ASAP3: variants seen among roughly 807,000 people sequenced by gnomAD.
ASAP3 encodes the protein ArfGAP with SH3 domain, ankyrin repeat and PH domain 3.
A neutral mutation model predicts 118.2 loss-of-function variants in ASAP3; 85 were observed. The observed-to-expected ratio is 0.72, with a 90% CI of 0.60 to 0.86. The LOEUF (loss-of-function observed/expected upper bound fraction) is 0.86. Among genes scored for constraint, ASAP3 ranks in the 40% least tolerant of loss-of-function variants. The pLI, the probability that ASAP3 is intolerant of heterozygous loss-of-function variation, is 0.00. For synonymous variants in ASAP3, 432 were observed against 477.4 expected, an observed-to-expected ratio of 0.90 and a Z score of 1.24; for missense variants, 1,026 against 1,175.0, an observed-to-expected ratio of 0.87 and a Z score of 1.85.
intron 1 of ASAP3, among the ~76,000 whole-genome samples, chr1:23,470,151 G>A (rs1286601363): frequency 2.7e-4 from 41 of 152,082 alleles, no homozygotes; most frequent in Admixed American, 2.7e-3. Flanking sequence ...CTCCTTCTAT[G>A]CCTCAGTTTC....
chr1:23,433,297 G>A, intron 21 of ASAP3, 25 bp from the exon 22 acceptor site: 1 of 1,604,002 alleles, frequency 6.2e-7, no homozygotes, highest in Non-Finnish European at 8.5e-7. Context: ...GATTGAGGAT[G>A]AGGACAGCCT....
At chr1:23,477,769 A>G (rs923121649) in intron 1 of ASAP3, among the ~76,000 whole-genome samples, 1 of 152,214 alleles carries the variant, frequency 6.6e-6, no homozygotes, top group Non-Finnish European at 1.5e-5. Flanking sequence ...GCTAGCATGC[A>G]GTGGCACCAT....
intron 1 of ASAP3, among the ~76,000 whole-genome samples, chr1:23,478,243 T>C (rs1322255512): frequency 1.3e-5 from 2 of 152,180 alleles, no homozygotes; most frequent in Admixed American, 6.5e-5. Context: ...GGTGGGTGGA[T>C]CACCTGAGGT....
Position 23,444,297 on chromosome 1 carries a change from G to A in ASAP3, c.474-1685C>T, listed in dbSNP as rs532358651. 1.1e-4 allele frequency among the ~76,000 whole-genome samples: 16 copies of A among 152,280 alleles called. No homozygotes were observed. The East Asian group carries it at 2.3e-3, about 22-fold the overall frequency. On this transcript the variant is annotated intron_variant, in intron 5 of 24. Coordinates refer to ENST00000336689, the MANE Select transcript of ASAP3 (RefSeq NM_017707.4). ...GGATGGGTGGATCTGTGTGTAAATG[G>A]TTTCCTGGAAATCCCACGCCCAGCA...
Position 23,438,181 on chromosome 1 carries a change from C to G in ASAP3, c.1102+566G>C, listed in dbSNP as rs986969206. 2.6e-5 allele frequency among the ~76,000 whole-genome samples: 4 copies of G among 152,300 alleles called. No homozygotes were observed. The highest frequency in any genetic ancestry group is 4.4e-5 in the Non-Finnish European group (3 of 68,026). On this transcript the variant is annotated intron_variant, in intron 12 of 24. Coordinates refer to ENST00000336689, the MANE Select transcript of ASAP3 (RefSeq NM_017707.4). This position sits in a 1 kb window ranked among gnomAD's most constrained non-coding sequence, Gnocchi z 4.9. ...ACTCAAATACTGTCTCCTCCAGGAG[C>G]CTTTCCTGATTCCCCACAGCAGTGC...
At chr1:23,460,761 C>G (rs192094835) in intron 1 of ASAP3, among the ~76,000 whole-genome samples, 2 of 152,110 alleles carry the variant, frequency 1.3e-5, no homozygotes, top group African/African-American at 4.8e-5. Context: ...TACCTGCACA[C>G]GGATGTTTAC....
chr1:23,447,285 A>G (rs1641077343), intron 5 of ASAP3, among the ~76,000 whole-genome samples: 1 of 152,082 alleles, frequency 6.6e-6, no homozygotes, highest in South Asian at 2.1e-4. Context: ...TGTTCAAGTA[A>G]CCCTTAGTTT....
chr1:23,460,599 G>A (rs1319296382), intron 1 of ASAP3, among the ~76,000 whole-genome samples: 4 of 151,914 alleles, frequency 2.6e-5, no homozygotes, highest in Non-Finnish European at 5.9e-5. Context: ...CAAAGATGTG[G>A]AGCAACAGAA....
chr1:23,453,719 C>T (rs1308744426), intron 3 of ASAP3, among the ~76,000 whole-genome samples: 1 of 152,180 alleles, frequency 6.6e-6, no homozygotes, highest in African/African-American at 2.4e-5. Flanking sequence ...CCTGGCTACT[C>T]CTCCCGCCTG....
chr1:23,472,284 T>C (rs187523994), intron 1 of ASAP3, among the ~76,000 whole-genome samples: 14 of 152,298 alleles, frequency 9.2e-5, no homozygotes, highest in Admixed American at 7.2e-4. Context: ...ACCTAAGGGA[T>C]TGTAGGGTGC....
At chr1:23,470,518 C>T (rs1641926155) in intron 1 of ASAP3, among the ~76,000 whole-genome samples, 1 of 152,240 alleles carries the variant, frequency 6.6e-6, no homozygotes, top group Non-Finnish European at 1.5e-5. Flanking sequence ...CAGCCCTGCC[C>T]CTGTCTCGCG....
At chr1:23,484,192 GC>G, upstream of ASAP3, 3 of 1,215,500 alleles carry the variant, frequency 2.5e-6, no homozygotes, top group African/African-American at 4.7e-5. Flanking sequence ...GCTGCTCCGC[GC>G]TGAGCCGGCC....
chr1:23,470,972 C>T (rs1641944260), intron 1 of ASAP3, among the ~76,000 whole-genome samples: 1 of 152,224 alleles, frequency 6.6e-6, no homozygotes, highest in South Asian at 2.1e-4. Flanking sequence ...TCCTACCCGA[C>T]CCCTGGCCTC....
intron 1 of ASAP3, among the ~76,000 whole-genome samples, chr1:23,465,982 A>G (rs896678958): frequency 6.6e-6 from 1 of 152,194 alleles, no homozygotes; most frequent in Non-Finnish European, 1.5e-5. Context: ...CCTCAGGCTT[A>G]GGAAAGGGAG....
chr1:23,481,827 T>C (rs1439518067), intron 1 of ASAP3, among the ~76,000 whole-genome samples: 1 of 152,208 alleles, frequency 6.6e-6, no homozygotes, highest in African/African-American at 2.4e-5. Context: ...TCTCCTGCTC[T>C]AAGATTCTAA....
rs114806866 is a variant in ASAP3, at chr1:23,429,866, A to G, written c.2702T>C (p.Leu901Ser). Residue 901 changes from leucine to serine, a missense_variant, in exon 25 of 25, where the codon TTG becomes TCG. By Grantham distance (145) the Leu-to-Ser change is moderately radical (BLOSUM62 -2). Coordinates refer to ENST00000336689, the MANE Select transcript of ASAP3 (RefSeq NM_017707.4). ...GSLPASSVQL[L>S]QD The stretch of plus-strand genomic sequence containing the variant: ...GGGGCCAGCAAGGAGCTAGTCTTGC[A>G]AAAGTTGCACAGAACTTGCTGGGAG... The G allele has an allele frequency of 6.1e-4, 988 of 1,613,782 alleles. 6 individuals carry two copies. In the African/African-American group the frequency reaches 0.012, roughly 20 times the overall value.
At chr1:23,466,989 T>A (rs1641790667) in intron 1 of ASAP3, among the ~76,000 whole-genome samples, 1 of 152,024 alleles carries the variant, frequency 6.6e-6, no homozygotes, top group Non-Finnish European at 1.5e-5. Flanking sequence ...TGCCTCAGCC[T>A]CCAGAGTAGC....
chr1:23,437,112 C>T lies in ASAP3; in HGVS notation c.1342+18G>A. 5 of 1,601,210 alleles carry T rather than the reference C, an allele frequency of 3.1e-6. No homozygotes were observed. Among genetic ancestry groups the T allele is most frequent in the South Asian group, 1.1e-5 (1 of 89,244 alleles). On this transcript the variant is annotated intron_variant, in intron 14 of 24. Transcript: ENST00000336689. This position sits in a 1 kb window ranked among gnomAD's most constrained non-coding sequence, Gnocchi z 6.1. Reference sequence around the variant, plus strand: ...CCTCCACTTAAGCCTCCCTCCTGCCCCGGCCCCGGGGACCGACCTGCAGCC... The same window carrying T: ...CCTCCACTTAAGCCTCCCTCCTGCCTCGGCCCCGGGGACCGACCTGCAGCC...
intron 5 of ASAP3, among the ~76,000 whole-genome samples, chr1:23,447,927 T>C (rs192591510): frequency 6.6e-6 from 1 of 152,302 alleles, no homozygotes. Context: ...ATAGAGATTT[T>C]CCCTACAAAG....
Sources: gnomAD v4.1 joint callset for allele counts (sites outside exome capture counted in the v4.1 genomes callset) on GRCh38, gnomAD v4.1.1 for gene constraint, Gnocchi (gnomAD v3.1) non-coding constraint, MANE v1.5 for transcripts, NCBI Gene and HGNC (gene_info 2026-07-23, HGNC 2026-07-21) for gene names.